Variants in GPC5 observed in about 807,000 individuals in gnomAD.
The protein encoded by GPC5 is glypican-5.
In GPC5, 47 loss-of-function variants were observed where a neutral mutation model predicts 53.9. The observed-to-expected ratio is 0.87, with a 90% CI of 0.69 to 1.11. GPC5 has a LOEUF of 1.11. Among genes scored for constraint, GPC5 ranks in the 50% most tolerant of loss-of-function variants. The probability of loss-of-function intolerance (pLI) is 0.00; values close to 1 mark genes in which losing one functional copy is unlikely to be tolerated. For missense variants in GPC5, 748 were observed against 713.1 expected (o/e 1.05, Z -0.56); for synonymous variants, 286 against 263.3 (o/e 1.09, Z -0.84).
chr13:91,713,297 A>G (rs2036268378), intron 3 of GPC5, among the ~76,000 whole-genome samples: 1 of 152,180 alleles, frequency 6.6e-6, no homozygotes, highest in Non-Finnish European at 1.5e-5. Context: ...TTATGAAAAA[A>G]TTGAAAGGAG....
At chr13:91,803,479 G>A (rs909619409) in intron 5 of GPC5, among the ~76,000 whole-genome samples, 12 of 151,992 alleles carry the variant, frequency 7.9e-5, no homozygotes, top group African/African-American at 2.9e-4. Flanking sequence ...ATGTATGTGT[G>A]TATGTATTGG....
intron 7 of GPC5, among the ~76,000 whole-genome samples, chr13:92,278,420 A>G (rs2139164929): frequency 6.6e-6 from 1 of 152,150 alleles, no homozygotes; most frequent in Middle Eastern, 3.4e-3. Context: ...TGACTAACAA[A>G]ATAAATTAAA....
intron 7 of GPC5, among the ~76,000 whole-genome samples, chr13:92,513,121 T>C (rs1880636211): frequency 6.6e-6 from 1 of 152,190 alleles, no homozygotes; most frequent in Non-Finnish European, 1.5e-5. Flanking sequence ...CTCAGAGGGA[T>C]GGGAAGACGT....
intron 2 of GPC5, among the ~76,000 whole-genome samples, chr13:91,668,874 C>A (rs1377884329): frequency 1.3e-5 from 2 of 152,078 alleles, no homozygotes; most frequent in East Asian, 3.9e-4. Context: ...TCAGTAATTG[C>A]AGTGGCATTT....
chr13:91,433,790 T>C (rs374567154), intron 1 of GPC5, among the ~76,000 whole-genome samples: 2,817 of 152,300 alleles, frequency 0.018, 60 homozygotes, highest in South Asian at 0.047. Flanking sequence ...ACTTCCACGA[T>C]GGTTGAACTA....
chr13:91,509,432 A>G (rs1371731320), intron 2 of GPC5, among the ~76,000 whole-genome samples: 3 of 45,992 alleles, frequency 6.5e-5, no homozygotes, highest in African/African-American at 1.1e-4. Context: ...AGGATCAAAT[A>G]GTGAGATAGT....
intron 2 of GPC5, among the ~76,000 whole-genome samples, chr13:91,598,380 A>G (rs1465907205): frequency 6.6e-6 from 1 of 152,066 alleles, no homozygotes; most frequent in African/African-American, 2.4e-5. Flanking sequence ...ACATGTTTAC[A>G]GATATGTTAC....
In GPC5 at chr13:91,693,342, G is replaced by A; in HGVS notation, c.481G>A (p.Glu161Lys). 2.5e-6 allele frequency: 4 copies of A among 1,614,136 alleles called. No individual in the cohort carries two copies. Among genetic ancestry groups the A allele is most frequent in the African/African-American group, 1.3e-5 (1 of 75,032 alleles). ...YLFGADVNPE[E>K]FVNRFFDSLF... Reference sequence around the variant, plus strand: ...ATTTGGTGCGGATGTTAATCCTGAAGAATTTGTAAACAGATTTTTTGACAG... The same window carrying A: ...ATTTGGTGCGGATGTTAATCCTGAAAAATTTGTAAACAGATTTTTTGACAG... The change falls in exon 3 of 8, where the codon GAA becomes AAA. Residue 161 changes from glutamate to lysine, a missense_variant. Coordinates refer to ENST00000377067, the MANE Select transcript of GPC5 (RefSeq NM_004466.6).
rs538374454 is a variant in GPC5 at position 91,831,009 on chromosome 13, TTA to T, written c.1280+74598_1280+74599del. Among the ~76,000 whole-genome samples, 680 of 137,970 alleles carry T rather than the reference TTA, an allele frequency of 4.9e-3. 3 individuals carry two copies. Among genetic ancestry groups the T allele is most frequent in the Non-Finnish European group, 7.7e-3 (506 of 65,512 alleles). The allele number at this position is 137,970 out of a possible 152,430, so 90.5% of individuals were successfully genotyped here. On this transcript the variant is annotated intron_variant, in intron 5 of 7. Transcript: ENST00000377067. ...TTATATATATAATATATATATCCTATTATATATATAACATATATATCCTATTA... is the reference window on the plus strand; with the variant it reads ...TTATATATATAATATATATATCCTATTATATATAACATATATATCCTATTA...
At chr13:91,763,277 C>G (rs142476317) in intron 5 of GPC5, among the ~76,000 whole-genome samples, 64 of 152,180 alleles carry the variant, frequency 4.2e-4, no homozygotes, top group African/African-American at 1.5e-3. Flanking sequence ...TTTTCTCCCC[C>G]CCGGACAACT....
At chr13:92,153,379 C>T (rs1367009413) in intron 7 of GPC5, among the ~76,000 whole-genome samples, 1 of 152,138 alleles carries the variant, frequency 6.6e-6, no homozygotes, top group African/African-American at 2.4e-5. Flanking sequence ...CTCAAGTGAT[C>T]CACCTGCCTC....
chr13:91,611,925 T>G (rs755443472), intron 2 of GPC5, among the ~76,000 whole-genome samples: 2 of 152,192 alleles, frequency 1.3e-5, no homozygotes, highest in African/African-American at 2.4e-5. Flanking sequence ...TTCCTTGTGT[T>G]GTCTGCAGCT....
intron 4 of GPC5, among the ~76,000 whole-genome samples, chr13:91,738,626 A>T (rs149719410): frequency 5.3e-5 from 8 of 151,194 alleles, no homozygotes; most frequent in African/African-American, 1.7e-4. Context: ...GAGTTTAACA[A>T]ATATTTATTA....
intron 7 of GPC5, among the ~76,000 whole-genome samples, chr13:92,656,419 G>T (rs948257175): frequency 1.3e-5 from 2 of 152,162 alleles, no homozygotes; most frequent in African/African-American, 4.8e-5. Flanking sequence ...GGGAAAGGCG[G>T]ATTCCAGTTA....
intron 7 of GPC5, among the ~76,000 whole-genome samples, chr13:92,395,527 ATGT>A (rs1261572055): frequency 2.0e-5 from 3 of 152,316 alleles, no homozygotes; most frequent in Non-Finnish European, 2.9e-5. Context: ...AATAGAGAAC[ATGT>A]TGTCAAACCT....
intron 2 of GPC5, among the ~76,000 whole-genome samples, chr13:91,651,759 A>G (rs1213108639): frequency 6.6e-6 from 1 of 152,058 alleles, no homozygotes; most frequent in African/African-American, 2.4e-5. Context: ...AATGTTCTAT[A>G]TTAATTAAGG....
At chr13:91,976,023 A>G (rs1369635717) in intron 6 of GPC5, among the ~76,000 whole-genome samples, 1 of 152,200 alleles carries the variant, frequency 6.6e-6, no homozygotes, top group East Asian at 1.9e-4. Flanking sequence ...TTGCAAGGAC[A>G]AAAAACCAAA....
At chr13:91,689,406 C>G (rs2035706148) in intron 2 of GPC5, among the ~76,000 whole-genome samples, 1 of 149,244 alleles carries the variant, frequency 6.7e-6, no homozygotes. Flanking sequence ...ATACTGTATA[C>G]TTAGGCTATA....
intron 6 of GPC5, among the ~76,000 whole-genome samples, chr13:91,914,125 A>G (rs2039636414): frequency 6.6e-6 from 1 of 152,208 alleles, no homozygotes; most frequent in African/African-American, 2.4e-5. Flanking sequence ...GCAGCAATTT[A>G]TCTTTAAACA....
Sources: allele counts gnomAD v4.1 joint callset (sites outside exome capture counted in the v4.1 genomes callset), GRCh38; gene constraint gnomAD v4.1.1; transcripts MANE v1.5; gene names NCBI Gene and HGNC (gene_info 2026-07-23, HGNC 2026-07-21).